ZNF14: variants seen among roughly 807,000 people sequenced by gnomAD.
ZNF14 encodes zinc finger protein 14, also known as gonadotropin inducible transcription repressor-4.
A neutral mutation model predicts 11.3 loss-of-function variants in ZNF14; 9 were observed. That is an observed-to-expected ratio of 0.80 (90% confidence interval 0.48 to 1.39). The LOEUF is 1.39. ZNF14 is among the 40% of genes most tolerant of loss of function. The pLI is 0.00. For synonymous variants in ZNF14, 239 were observed against 245.7 expected (o/e 0.97, Z 0.25); for missense variants, 711 against 763.9 (o/e 0.93, Z 0.82).
Position 19,712,182 on chromosome 19 carries a change from G to A in ZNF14, c.1099C>T (p.Arg367Ter), listed in dbSNP as rs201808599. Residue 367 changes from arginine (R) to a stop codon, truncating the protein, a stop_gained, in exon 4 of 4, where the codon CGA (arginine) becomes TGA (stop). Transcript: ENST00000344099. LOFTEE classifies it low-confidence loss of function (END_TRUNC). ...GACCAACTGAATGATTTGCCACATC[G>A]TTTACATTCATATGGTTTTTCTCCA... ...HIGEKPYECK[R>*]CGKSFSWSIS... The A allele has an allele frequency of 1.2e-4, 190 of 1,614,006 alleles. No homozygotes were observed. The highest frequency in any genetic ancestry group is 7.6e-4 in the East Asian group (34 of 44,876).
In ZNF14 at chr19:19,711,097, CA is replaced by C. The variant is rs770881924; in HGVS notation, c.*254del. On this transcript the variant is annotated 3_prime_UTR_variant, in exon 4 of 4. Transcript: ENST00000344099. ...TGGCCTTTTTTAAAAAAACAAAAAA[CA>C]AAAAACAAAACAGATTTCACTGCAG... 9.1e-4 allele frequency: 373 copies of C among 411,058 alleles called. 1 individual carries two copies. Among genetic ancestry groups the C allele is most frequent in the Admixed American group, 1.3e-3 (32 of 24,620 alleles). 25.5% of individuals were successfully genotyped at this position (411,058 alleles called of 1,614,324 possible).
At chr19:19,731,432 C>T (rs1346738228) in intron 1 of ZNF14, among the ~76,000 whole-genome samples, 7 of 152,008 alleles carry the variant, frequency 4.6e-5, no homozygotes, top group Middle Eastern at 3.4e-3. Flanking sequence ...AAGAATTAGC[C>T]GGGTGTGGTG....
In ZNF14 at chr19:19,712,580, C is replaced by G; in HGVS notation, c.701G>C (p.Cys234Ser). Residue 234 changes from cysteine (C) to serine (S), a missense_variant, in exon 4 of 4, where the codon TGT becomes TCT. Cys to Ser is a moderately radical substitution (Grantham distance 112). Transcript: ENST00000344099. ...TTTGTGTCTTTGAAAAGATTGGTAA[C>G]ATATAAAGGCTTTCCCACACTGTTT... ...ECKQCGKAFI[C>S]YQSFQRHKRT... 1 of 1,612,510 alleles carries G rather than the reference C, an allele frequency of 6.2e-7. No individual in the cohort carries two copies. Among genetic ancestry groups the G allele is most frequent in the Non-Finnish European group, 8.5e-7 (1 of 1,179,602 alleles).
intron 1 of ZNF14, among the ~76,000 whole-genome samples, chr19:19,716,030 T>G (rs987855214): frequency 1.3e-5 from 2 of 152,198 alleles, no homozygotes; most frequent in Admixed American, 6.5e-5. Flanking sequence ...TATGGCAACT[T>G]ACACCTCTAC....
At position 19,712,929 on chromosome 19, in the gene ZNF14, G is replaced by T. The variant is rs1267999327; in HGVS notation, c.352C>A (p.Leu118Ile). ...GTGTGAGATCTCATGTGCCTATTAA[G>T]GGACGAATGATGAATGAAGTCTCTT... ...CGRDFIHHSS[L>I]NRHMRSHTGQ... is the part of the protein sequence containing the mutation. The change falls in exon 4 of 4, where the codon CTT becomes ATT. Residue 118 changes from leucine (L) to isoleucine (I), a missense_variant. Transcript: ENST00000344099. 3.1e-6 allele frequency: 5 copies of T among 1,614,096 alleles called. No individual in the cohort carries two copies. In the East Asian group the frequency reaches 1.1e-4, roughly 36 times the overall value.
chr19:19,718,606 A>G (rs2062383998), intron 1 of ZNF14, among the ~76,000 whole-genome samples: 2 of 152,218 alleles, frequency 1.3e-5, no homozygotes, highest in Admixed American at 6.5e-5. Context: ...AATGTTATAC[A>G]TGAAAGGAAA....
intron 1 of ZNF14, among the ~76,000 whole-genome samples, chr19:19,717,146 G>A (rs894864975): frequency 6.6e-6 from 1 of 152,114 alleles, no homozygotes; most frequent in Non-Finnish European, 1.5e-5. Context: ...ACACGGTAGG[G>A]TGCCCAGGCC....
At chr19:19,732,832 A>C (rs548407811) in intron 1 of ZNF14, 124 bp downstream of exon 1, 1 of 1,337,098 alleles carries the variant, frequency 7.5e-7, no homozygotes, top group South Asian at 1.4e-5. Context: ...CCGAGGGCCG[A>C]ACTGCGCCCG....
intron 1 of ZNF14, among the ~76,000 whole-genome samples, chr19:19,722,517 G>A (rs1032753859): frequency 2.6e-5 from 4 of 152,130 alleles, no homozygotes; most frequent in Non-Finnish European, 5.9e-5. Context: ...GATGCCTCCA[G>A]CTTTGTTCTT....
chr19:19,714,648 A>G (rs1394783880), intron 1 of ZNF14, among the ~76,000 whole-genome samples, 161 bp from the exon 2 acceptor site: 4 of 152,054 alleles, frequency 2.6e-5, no homozygotes, highest in Non-Finnish European at 5.9e-5. Context: ...ACTTCCTCAT[A>G]AAATTCATGC....
chr19:19,713,138 A>G lies in ZNF14; in HGVS notation c.192-49T>C, dbSNP rs45597531. 4,899 of 1,472,872 alleles carry G rather than the reference A, an allele frequency of 3.3e-3. 27 individuals are homozygous for G. The highest frequency in any genetic ancestry group is 2.8e-3 in the Non-Finnish European group (3,044 of 1,096,938). The allele number at this position is 1,472,872 out of a possible 1,614,324, so 91.2% of individuals were successfully genotyped here. On this transcript the variant is annotated intron_variant, in intron 3 of 3. Coordinates refer to ENST00000344099, the MANE Select transcript of ZNF14 (RefSeq NM_021030.3). ...ATTAGTGGCTTTTTAATTATTTTGT[A>G]TTTATTAGTAGGTATGAGAATTACA... is the stretch of plus-strand genomic sequence containing the variant.
At chr19:19,724,607 G>C (rs2062401750) in intron 1 of ZNF14, among the ~76,000 whole-genome samples, 1 of 133,454 alleles carries the variant, frequency 7.5e-6, no homozygotes, top group Admixed American at 7.4e-5. Flanking sequence ...TCTGCTTGGT[G>C]CAGAGCTGAG....
rs1016221818 is a variant in ZNF14, at chr19:19,720,336, CAT to C, written c.4-5851_4-5850del. ...GTAGCCCACATTCTGGAACATAAAA[CAT>C]ATCTTTTTTTTTTTTTTTTGAGATG... On this transcript the variant is annotated intron_variant, in intron 1 of 3. Coordinates refer to ENST00000344099, the MANE Select transcript of ZNF14 (RefSeq NM_021030.3). The surrounding 1 kb of genome is among the most constrained non-coding windows in gnomAD (Gnocchi z 4.1). 9.4e-5 allele frequency among the ~76,000 whole-genome samples: 14 copies of C among 149,726 alleles called. No homozygotes were observed. The highest frequency in any genetic ancestry group is 5.4e-4 in the Admixed American group (8 of 14,916).
At chr19:19,714,292 G>A in intron 2 of ZNF14, 69 bp downstream of exon 2, 5 of 1,605,518 alleles carry the variant, frequency 3.1e-6, no homozygotes, top group Non-Finnish European at 4.3e-6. Context: ...TTGGAACACA[G>A]CTGTTGAGCA....
At chr19:19,732,341 C>A (rs1229986147) in intron 1 of ZNF14, among the ~76,000 whole-genome samples, 1 of 152,166 alleles carries the variant, frequency 6.6e-6, no homozygotes, top group Admixed American at 6.5e-5. Context: ...AATATTTGAT[C>A]AAGGAGTCCA....
rs545781240 is a variant in ZNF14, at chr19:19,715,615, T to C, written c.4-1128A>G. On this transcript the variant is annotated intron_variant, in intron 1 of 3. Transcript: ENST00000344099. ...TCTTACTTTTCAAGGAACGACAACA[T>C]GTTTTACGACTTGAGATTATCTGTT... Among the ~76,000 whole-genome samples the C allele has an allele frequency of 2.6e-5, 4 of 152,344 alleles. No individual in the cohort carries two copies. In the East Asian group the frequency reaches 7.7e-4, roughly 29 times the overall value.
rs148178021 is a variant in ZNF14, at chr19:19,711,557, C to A, written c.1724G>T (p.Arg575Leu). ...GKAFISSSKF[R>L]MHERTHTGEK... ...TCCCGTGTGAGTTCTCTCATGCATT[C>A]GAAATTTACTGGAAGAAATGAAGGC... is the stretch of plus-strand genomic sequence containing the variant. The change falls in exon 4 of 4, where the codon CGA (arginine) becomes CTA (leucine). Residue 575 changes from arginine (R) to leucine (L), a missense_variant. By Grantham distance (102) the Arg-to-Leu change is moderately radical. Coordinates refer to ENST00000344099, the MANE Select transcript of ZNF14 (RefSeq NM_021030.3). The A allele has an allele frequency of 7.4e-6, 12 of 1,613,312 alleles. No individual in the cohort carries two copies. Among genetic ancestry groups the A allele is most frequent in the Non-Finnish European group, 9.3e-6 (11 of 1,179,676 alleles).
At position 19,712,447 on chromosome 19, in the gene ZNF14, G is replaced by C; in HGVS notation, c.834C>G (p.Pro278=). 1.9e-6 allele frequency: 3 copies of C among 1,558,876 alleles called. No homozygotes were observed. Among genetic ancestry groups the C allele is most frequent in the Non-Finnish European group, 2.6e-6 (3 of 1,142,504 alleles). Residue 278 remains proline, a synonymous_variant, in exon 4 of 4, where the codon CCC becomes CCG. Transcript: ENST00000344099. ...THERTHTGEK[P]YKCKECGKAF... is the part of the protein sequence containing the mutation. ...CTTTACCACATTCTTTACATTTGTA[G>C]GGTTTTTCTCCAGTGTGAGTTCTTT...
chr19:19,723,690 C>G lies in ZNF14; in HGVS notation c.4-9203G>C, dbSNP rs575927194. Among the ~76,000 whole-genome samples, 4 of 132,102 alleles carry G rather than the reference C, an allele frequency of 3.0e-5. 1 individual carries two copies. Among genetic ancestry groups the G allele is most frequent in the African/African-American group, 1.1e-4 (4 of 35,594 alleles). The allele number at this position is 132,102 out of a possible 152,430, so 86.7% of individuals were successfully genotyped here. On this transcript the variant is annotated intron_variant, in intron 1 of 3. Transcript: ENST00000344099. Reference sequence around the variant, plus strand: ...CTACTCTTTGTACCTCTGGTAGAATCTGGCTGTGAATCCATCTGGTCCTGG... The same window carrying G: ...CTACTCTTTGTACCTCTGGTAGAATGTGGCTGTGAATCCATCTGGTCCTGG...
Sources: gnomAD v4.1 joint callset for allele counts (sites outside exome capture counted in the v4.1 genomes callset) on GRCh38, gnomAD v4.1.1 for gene constraint, Gnocchi (gnomAD v3.1) non-coding constraint, MANE v1.5 for transcripts, NCBI Gene and HGNC (gene_info 2026-07-23, HGNC 2026-07-21) for gene names.